TOX: variants seen among roughly 807,000 people sequenced by gnomAD.
TOX encodes thymocyte selection-associated high mobility group box protein TOX.
TOX carries 11 observed loss-of-function variants against 53.7 expected under a neutral mutation model. That is an observed-to-expected ratio of 0.20 (90% CI 0.13 to 0.34). TOX has a LOEUF of 0.34. TOX is among the 10% of genes least tolerant of loss of function. The probability of loss-of-function intolerance (pLI) is 1.00; values close to 1 mark genes in which losing one functional copy is unlikely to be tolerated. For synonymous variants in TOX, 225 were observed against 245.3 expected (o/e 0.92, Z 0.77); for missense variants, 570 against 664.6 (o/e 0.86, Z 1.56).
At chr8:59,001,441 G>C (rs1029773933) in intron 1 of TOX, among the ~76,000 whole-genome samples, 1 of 152,150 alleles carries the variant, frequency 6.6e-6, no homozygotes, top group African/African-American at 2.4e-5. Flanking sequence ...ATCTCATGAT[G>C]GGAAAAGTGA....
chr8:58,935,042 A>G (rs963879396), intron 3 of TOX, among the ~76,000 whole-genome samples: 1 of 152,196 alleles, frequency 6.6e-6, no homozygotes, highest in African/African-American at 2.4e-5. Flanking sequence ...TTGATGTCTA[A>G]TATATTAGGC....
intron 2 of TOX, among the ~76,000 whole-genome samples, chr8:58,944,222 C>A (rs993437282): frequency 6.6e-6 from 1 of 152,114 alleles, no homozygotes; most frequent in African/African-American, 2.4e-5. Flanking sequence ...AGGATCCCAG[C>A]GCCACTGAAT....
chr8:58,832,190 T>C (rs1585849559), intron 5 of TOX, among the ~76,000 whole-genome samples: 1 of 148,052 alleles, frequency 6.8e-6, no homozygotes, highest in African/African-American at 2.4e-5. Context: ...ATATAATATA[T>C]GTAATATGTA....
intron 1 of TOX, among the ~76,000 whole-genome samples, chr8:58,972,485 TA>T (rs1297192398): frequency 6.6e-6 from 1 of 152,192 alleles, no homozygotes; most frequent in Non-Finnish European, 1.5e-5. Flanking sequence ...CATGAAAATA[TA>T]AGGTTATACT....
At chr8:59,099,344 C>G (rs1278729351) in intron 1 of TOX, among the ~76,000 whole-genome samples, 1 of 152,124 alleles carries the variant, frequency 6.6e-6, no homozygotes, top group East Asian at 1.9e-4. Flanking sequence ...TTCTTTCTAC[C>G]ATACCAAGCT....
At chr8:58,882,507 C>T (rs1163918181) in intron 3 of TOX, among the ~76,000 whole-genome samples, 1 of 152,176 alleles carries the variant, frequency 6.6e-6, no homozygotes, top group African/African-American at 2.4e-5. Context: ...AAATGAGTTC[C>T]ACTGAAGTTA....
intron 1 of TOX, among the ~76,000 whole-genome samples, chr8:59,005,101 C>T (rs916241671): frequency 6.6e-6 from 1 of 151,766 alleles, no homozygotes; most frequent in African/African-American, 2.4e-5. Context: ...TGCAGTGGCA[C>T]GATCTCGGCT....
intron 3 of TOX, among the ~76,000 whole-genome samples, chr8:58,886,447 A>G (rs762135697): frequency 2.6e-5 from 4 of 152,140 alleles, no homozygotes; most frequent in Middle Eastern, 3.2e-3. Context: ...AACCAGGGCT[A>G]CATGTGACCA....
chr8:58,891,063 T>C (rs1811551975), intron 3 of TOX, among the ~76,000 whole-genome samples: 1 of 152,172 alleles, frequency 6.6e-6, no homozygotes, highest in South Asian at 2.1e-4. Context: ...AGCAAATTGA[T>C]GGTATCTAGG....
At chr8:58,918,797 T>C (rs1475887025) in intron 3 of TOX, among the ~76,000 whole-genome samples, 38 of 125,002 alleles carry the variant, frequency 3.0e-4, no homozygotes, top group Middle Eastern at 3.9e-3. Context: ...ATTGTTTATC[T>C]AGAAAACCCC....
intron 1 of TOX, among the ~76,000 whole-genome samples, chr8:59,108,924 G>T (rs1245509956): frequency 6.6e-6 from 1 of 152,108 alleles, no homozygotes; most frequent in Non-Finnish European, 1.5e-5. Context: ...CAATTTTCCA[G>T]CAAAATGGAA....
chr8:58,893,878 T>C (rs1811599072), intron 3 of TOX, among the ~76,000 whole-genome samples: 1 of 152,234 alleles, frequency 6.6e-6, no homozygotes, highest in Non-Finnish European at 1.5e-5. Context: ...CAAAGTATGT[T>C]TGCTTCTTAG....
At chr8:58,995,015 C>T (rs781013517) in intron 1 of TOX, among the ~76,000 whole-genome samples, 10 of 152,212 alleles carry the variant, frequency 6.6e-5, no homozygotes, top group Admixed American at 2.0e-4. Context: ...ACGCAGCAGT[C>T]TGCCCTATTA....
At chr8:58,968,783 T>TCAAAA (rs1443897925) in intron 1 of TOX, among the ~76,000 whole-genome samples, 2 of 152,018 alleles carry the variant, frequency 1.3e-5, no homozygotes, top group Non-Finnish European at 2.9e-5. Context: ...TCTAGGAACC[T>TCAAAA]CAAAACAAAA....
chr8:59,035,887 T>G (rs1376200681), intron 1 of TOX, among the ~76,000 whole-genome samples: 1 of 152,236 alleles, frequency 6.6e-6, no homozygotes, highest in Non-Finnish European at 1.5e-5. Flanking sequence ...TGTTCACATA[T>G]GTGAACTCAT....
intron 1 of TOX, among the ~76,000 whole-genome samples, chr8:59,100,642 T>C (rs1156609794): frequency 6.6e-6 from 1 of 152,212 alleles, no homozygotes. Context: ...TAAGTAGAAT[T>C]TGTCAGAAAA....
chr8:58,858,772 C>G (rs1448546), intron 3 of TOX, among the ~76,000 whole-genome samples: 27,150 of 152,208 alleles, frequency 0.18, 2,736 homozygotes, highest in South Asian at 0.23. Flanking sequence ...CTATCAAACA[C>G]ACACCGTTCA....
intron 3 of TOX, among the ~76,000 whole-genome samples, chr8:58,922,747 A>G (rs1249338356): frequency 6.6e-6 from 1 of 152,314 alleles, no homozygotes; most frequent in Non-Finnish European, 1.5e-5. Context: ...TCAGGAAGTA[A>G]CAATGCTCCA....
At chr8:59,053,144 A>T (rs922993984) in intron 1 of TOX, among the ~76,000 whole-genome samples, 9 of 152,122 alleles carry the variant, frequency 5.9e-5, no homozygotes, top group Admixed American at 1.3e-4. Context: ...AACTTTTTTT[A>T]AAAAAATGTT....
Sources: gnomAD v4.1 joint callset for allele counts (sites outside exome capture counted in the v4.1 genomes callset) on GRCh38, gnomAD v4.1.1 for gene constraint, MANE v1.5 for transcripts, NCBI Gene and HGNC (gene_info 2026-07-23, HGNC 2026-07-21) for gene names.